MGAT4C: variants seen among roughly 807,000 people sequenced by gnomAD.
MGAT4C encodes alpha-1,3-mannosyl-glycoprotein 4-beta-N-acetylglucosaminyltransferase C.
MGAT4C carries 19 observed loss-of-function variants against 40.1 expected under a neutral mutation model. The observed-to-expected ratio is 0.47, with a 90% CI of 0.33 to 0.70. MGAT4C has a LOEUF of 0.70. MGAT4C is among the 30% of genes least tolerant of loss of function. The pLI, the probability that MGAT4C is intolerant of heterozygous loss-of-function variation, is 0.02. For missense variants in MGAT4C, 491 were observed against 563.2 expected (o/e 0.87, Z 1.30); for synonymous variants, 181 against 187.1 (o/e 0.97, Z 0.27).
chr12:86,475,716 A>C (rs1247555330), intron 2 of MGAT4C, among the ~76,000 whole-genome samples: 1 of 152,104 alleles, frequency 6.6e-6, no homozygotes, highest in African/African-American at 2.4e-5. Context: ...GCAGAAATTA[A>C]AAATGTGATA....
chr12:86,058,466 C>T (rs889058243), intron 1 of MGAT4C, among the ~76,000 whole-genome samples: 1 of 152,062 alleles, frequency 6.6e-6, no homozygotes, highest in Admixed American at 6.6e-5. Context: ...AAAAAGCTTA[C>T]AGTTAATTAT....
intron 3 of MGAT4C, among the ~76,000 whole-genome samples, chr12:86,405,162 C>T (rs998999269): frequency 1.3e-5 from 2 of 151,886 alleles, no homozygotes; most frequent in East Asian, 1.9e-4. Context: ...TGGTGATGGA[C>T]GTTCTTGCCA....
intron 2 of MGAT4C, among the ~76,000 whole-genome samples, chr12:86,640,089 T>C (rs546484775): frequency 1.3e-5 from 2 of 151,878 alleles, no homozygotes; most frequent in Non-Finnish European, 2.9e-5. Context: ...AGAAGACTTT[T>C]AACAAATTAA....
chr12:86,078,323 A>G (rs904149181), intron 1 of MGAT4C, among the ~76,000 whole-genome samples: 3 of 152,198 alleles, frequency 2.0e-5, no homozygotes, highest in Non-Finnish European at 4.4e-5. Context: ...TGGTAAGACC[A>G]GTGAATTCCA....
chr12:86,792,455 A>T (rs929781434), intron 1 of MGAT4C, among the ~76,000 whole-genome samples: 3 of 152,138 alleles, frequency 2.0e-5, no homozygotes, highest in African/African-American at 7.2e-5. Context: ...AGAAAAGAGA[A>T]AATTTCCTGG....
At chr12:86,579,883 C>G (rs1302011015) in intron 2 of MGAT4C, among the ~76,000 whole-genome samples, 2 of 151,538 alleles carry the variant, frequency 1.3e-5, no homozygotes, top group African/African-American at 2.4e-5. Context: ...TTCCTGGCCT[C>G]TAAGGTTTCC....
intron 1 of MGAT4C, among the ~76,000 whole-genome samples, chr12:86,758,509 A>C (rs533710358): frequency 6.6e-6 from 1 of 151,938 alleles, no homozygotes; most frequent in South Asian, 2.1e-4. Context: ...AGAAAGATAC[A>C]TGTATTAACT....
At chr12:86,461,395 G>A (rs1434598188) in intron 2 of MGAT4C, among the ~76,000 whole-genome samples, 1 of 151,836 alleles carries the variant, frequency 6.6e-6, no homozygotes, top group Non-Finnish European at 1.5e-5. Context: ...ACAGGCGCCC[G>A]CCACCGCGCC....
intron 1 of MGAT4C, among the ~76,000 whole-genome samples, chr12:86,179,605 G>C (rs971461747): frequency 6.6e-6 from 1 of 152,198 alleles, no homozygotes; most frequent in Non-Finnish European, 1.5e-5. Flanking sequence ...GTTGGGAACT[G>C]GAGCAGAGGT....
intron 2 of MGAT4C, among the ~76,000 whole-genome samples, chr12:86,698,978 G>C (rs533590719): frequency 6.6e-6 from 1 of 152,188 alleles, no homozygotes; most frequent in East Asian, 1.9e-4. Context: ...ATAGCATTCT[G>C]TGTTAAGTGC....
chr12:86,421,376 G>GA (rs1312605259), intron 3 of MGAT4C, among the ~76,000 whole-genome samples: 4 of 152,166 alleles, frequency 2.6e-5, no homozygotes, highest in African/African-American at 9.7e-5. Flanking sequence ...TGATTGAACT[G>GA]AAGCTCATAC....
chr12:86,159,171 G>T (rs1466224111), intron 1 of MGAT4C, among the ~76,000 whole-genome samples: 1 of 152,084 alleles, frequency 6.6e-6, no homozygotes, highest in Non-Finnish European at 1.5e-5. Context: ...CCGTGGGTGT[G>T]TCATGCATAG....
At chr12:86,289,333 G>C (rs1229543355) in intron 4 of MGAT4C, among the ~76,000 whole-genome samples, 4 of 152,068 alleles carry the variant, frequency 2.6e-5, no homozygotes, top group Non-Finnish European at 5.9e-5. Context: ...TTTGAAGTTG[G>C]GTAATTGGAT....
intron 1 of MGAT4C, among the ~76,000 whole-genome samples, chr12:86,060,643 T>C (rs1893866125): frequency 6.6e-6 from 1 of 152,202 alleles, no homozygotes; most frequent in South Asian, 2.1e-4. Context: ...TGTTAAAATC[T>C]AAGAGAGATA....
chr12:86,689,687 C>T (rs943273753), intron 2 of MGAT4C, among the ~76,000 whole-genome samples: 1 of 152,152 alleles, frequency 6.6e-6, no homozygotes, highest in Admixed American at 6.5e-5. Context: ...CCTCTGAAAG[C>T]TTTGTCCCAG....
At chr12:86,542,220 A>G (rs924085150) in intron 2 of MGAT4C, among the ~76,000 whole-genome samples, 3 of 152,326 alleles carry the variant, frequency 2.0e-5, no homozygotes, top group Non-Finnish European at 4.4e-5. Context: ...AAGACATGCT[A>G]AAGATTGAGG....
intron 1 of MGAT4C, among the ~76,000 whole-genome samples, chr12:86,191,413 C>T (rs1442358259): frequency 6.6e-6 from 1 of 151,728 alleles, no homozygotes; most frequent in African/African-American, 2.4e-5. Flanking sequence ...AAAATATCTC[C>T]TAATCAAATA....
At chr12:86,383,061 C>G (rs1025856999) in intron 3 of MGAT4C, among the ~76,000 whole-genome samples, 5 of 152,158 alleles carry the variant, frequency 3.3e-5, no homozygotes, top group African/African-American at 1.2e-4. Context: ...AATGGTAGAT[C>G]CACTGACAGC....
At chr12:86,027,053 A>G (rs141335581) in intron 2 of MGAT4C, among the ~76,000 whole-genome samples, 3 of 152,044 alleles carry the variant, frequency 2.0e-5, no homozygotes, top group Non-Finnish European at 4.4e-5. Flanking sequence ...TAAAAGGAAA[A>G]ATAGTGACAA....
Sources: gnomAD v4.1 joint callset for allele counts (sites outside exome capture counted in the v4.1 genomes callset) on GRCh38, gnomAD v4.1.1 for gene constraint, MANE v1.5 for transcripts, NCBI Gene and HGNC (gene_info 2026-07-23, HGNC 2026-07-21) for gene names.